The following SPON1 variants were observed in gnomAD, a reference collection of about 807,000 sequenced individuals.
SPON1 encodes the protein spondin 1, also known as spondin-1.
Under a neutral mutation model 111.7 loss-of-function variants are expected in SPON1, and 52 were observed. The observed-to-expected ratio is 0.47, with a 90% confidence interval of 0.37 to 0.59. The LOEUF is 0.59. SPON1 is among the 20% of genes least tolerant of loss of function. The probability of loss-of-function intolerance (pLI) is 0.00; values close to 1 mark genes in which losing one functional copy is unlikely to be tolerated. For synonymous variants in SPON1, 410 were observed against 395.8 expected, an observed-to-expected ratio of 1.04 and a Z score of -0.43; for missense variants, 957 against 1,068.5, an observed-to-expected ratio of 0.90 and a Z score of 1.46.
chr11:14,234,062 A>T (rs11023156), intron 6 of SPON1, among the ~76,000 whole-genome samples: 1 of 151,904 alleles, frequency 6.6e-6, no homozygotes, highest in African/African-American at 2.4e-5. Flanking sequence ...CCCGACCCCC[A>T]GTGCTGTTTC....
intron 2 of SPON1, among the ~76,000 whole-genome samples, chr11:14,014,094 G>T (rs1216464741): frequency 6.6e-6 from 1 of 152,128 alleles, no homozygotes; most frequent in African/African-American, 2.4e-5. Flanking sequence ...ACATACTCCC[G>T]TCTCTGGCCC....
intron 6 of SPON1, among the ~76,000 whole-genome samples, chr11:14,195,815 T>C (rs1039869053): frequency 7.9e-5 from 12 of 152,182 alleles, no homozygotes; most frequent in Admixed American, 2.0e-4. Context: ...TATTTCACAG[T>C]TTCATAGCAA....
At chr11:14,040,330 T>C (rs989975909) in intron 2 of SPON1, among the ~76,000 whole-genome samples, 1 of 152,136 alleles carries the variant, frequency 6.6e-6, no homozygotes, top group Non-Finnish European at 1.5e-5. Flanking sequence ...ACAAATTACA[T>C]TTACATGTAG....
intron 5 of SPON1, among the ~76,000 whole-genome samples, chr11:14,109,897 CA>C (rs1332767219): frequency 1.3e-5 from 2 of 152,178 alleles, no homozygotes; most frequent in Non-Finnish European, 2.9e-5. Flanking sequence ...ATCTCAAAGA[CA>C]GGAAAGAGTT....
intron 5 of SPON1, among the ~76,000 whole-genome samples, chr11:14,087,741 TTAAAATTTCCCAC>T (rs1554922839): frequency 6.6e-6 from 1 of 152,220 alleles, no homozygotes; most frequent in Non-Finnish European, 1.5e-5. Context: ...CAGTGGGGTG[TTAAAATTTCCCAC>T]TATTATTCTG....
At chr11:14,178,575 C>T (rs1167437328) in intron 6 of SPON1, among the ~76,000 whole-genome samples, 1 of 152,176 alleles carries the variant, frequency 6.6e-6, no homozygotes, top group Non-Finnish European at 1.5e-5. Flanking sequence ...GTTACATACT[C>T]TGCAAGGAAA....
At chr11:14,038,278 C>T (rs979066368) in intron 2 of SPON1, among the ~76,000 whole-genome samples, 32 of 152,046 alleles carry the variant, frequency 2.1e-4, no homozygotes, top group African/African-American at 7.2e-4. Flanking sequence ...CCAGCCTGGC[C>T]AACATGGTGA....
chr11:14,069,049 A>G (rs1161857764), intron 3 of SPON1, among the ~76,000 whole-genome samples: 3 of 152,230 alleles, frequency 2.0e-5, no homozygotes, highest in Non-Finnish European at 4.4e-5. Flanking sequence ...TTTTACAACC[A>G]TATATGAATC....
chr11:14,230,093 G>A (rs1186375954), intron 6 of SPON1, among the ~76,000 whole-genome samples: 3 of 152,026 alleles, frequency 2.0e-5, no homozygotes, highest in South Asian at 2.1e-4. Context: ...TGGGGTACTC[G>A]AGAATGAAAA....
At chr11:13,987,844 C>T (rs1848197377) in intron 2 of SPON1, among the ~76,000 whole-genome samples, 1 of 152,088 alleles carries the variant, frequency 6.6e-6, no homozygotes, top group Admixed American at 6.6e-5. Context: ...TCAGGTTTGT[C>T]AAAGATCAGA....
intron 5 of SPON1, 30 bp downstream of exon 5, chr11:14,080,051 G>T (rs782626264): frequency 2.9e-5 from 47 of 1,613,098 alleles, no homozygotes; most frequent in Non-Finnish European, 3.6e-5. Flanking sequence ...TGTGGTTTGG[G>T]GAAAAGCACA....
intron 1 of SPON1, among the ~76,000 whole-genome samples, chr11:13,973,073 A>G (rs968524415): frequency 2.6e-5 from 4 of 152,104 alleles, no homozygotes; most frequent in Non-Finnish European, 5.9e-5. Context: ...CTTACTACAG[A>G]TAAACTTTCT....
At chr11:14,246,073 T>C (rs1185741868) in intron 7 of SPON1, among the ~76,000 whole-genome samples, 2 of 152,192 alleles carry the variant, frequency 1.3e-5, no homozygotes, top group African/African-American at 4.8e-5. Flanking sequence ...CTTCTGGTCC[T>C]CTAAGTGGGC....
intron 6 of SPON1, among the ~76,000 whole-genome samples, chr11:14,160,481 T>TTACATA (rs1554930867): frequency 4.5e-4 from 3 of 6,662 alleles, no homozygotes; most frequent in African/African-American, 1.7e-3. Context: ...ATATATATAT[T>TTACATA]TATATATATA....
chr11:14,173,410 G>A (rs1274784387), intron 6 of SPON1, among the ~76,000 whole-genome samples: 1 of 151,962 alleles, frequency 6.6e-6, no homozygotes, highest in Non-Finnish European at 1.5e-5. Flanking sequence ...TTTTTTCAAG[G>A]TTTTTAATTG....
At chr11:13,992,774 T>C (rs2133787969) in intron 2 of SPON1, among the ~76,000 whole-genome samples, 1 of 152,110 alleles carries the variant, frequency 6.6e-6, no homozygotes, top group South Asian at 2.1e-4. Flanking sequence ...TTCCTCAGGC[T>C]CAGTCCCTCA....
At chr11:14,139,388 T>C (rs942200581) in intron 6 of SPON1, among the ~76,000 whole-genome samples, 1 of 152,190 alleles carries the variant, frequency 6.6e-6, no homozygotes, top group Non-Finnish European at 1.5e-5. Context: ...CACTTTGTCC[T>C]TCTCCTATTG....
chr11:14,201,865 G>A (rs1416246521), intron 6 of SPON1, among the ~76,000 whole-genome samples: 1 of 152,024 alleles, frequency 6.6e-6, no homozygotes, highest in African/African-American at 2.4e-5. Context: ...TCCTTGAAAG[G>A]AGAAACAAAA....
chr11:14,050,091 G>A (rs1554918290), intron 3 of SPON1, among the ~76,000 whole-genome samples: 1 of 152,150 alleles, frequency 6.6e-6, no homozygotes, highest in Non-Finnish European at 1.5e-5. Flanking sequence ...CTCATTTCTT[G>A]CTAGTGAAAT....
Sources: allele counts gnomAD v4.1 joint callset (sites outside exome capture counted in the v4.1 genomes callset), GRCh38; gene constraint gnomAD v4.1.1; transcripts MANE v1.5; gene names NCBI Gene and HGNC (gene_info 2026-07-23, HGNC 2026-07-21).